The following COL18A1 variants were observed in gnomAD, a reference collection of about 807,000 sequenced individuals.
COL18A1 encodes the protein collagen type XVIII alpha 1 chain, also known as collagen alpha-1(XVIII) chain.
A neutral mutation model predicts 168.0 loss-of-function variants in COL18A1; 133 were observed. That is an observed-to-expected ratio of 0.79 (90% CI 0.69 to 0.91). COL18A1 has a LOEUF of 0.91. Among genes scored for constraint, COL18A1 ranks in the 40% least tolerant of loss-of-function variants. The pLI is 0.00. For missense variants in COL18A1, 2,126 were observed against 1,925.4 expected, an observed-to-expected ratio of 1.10 and a Z score of -1.95; for synonymous variants, 949 against 809.0, an observed-to-expected ratio of 1.17 and a Z score of -2.94.
intron 32 of COL18A1, 38 bp downstream of exon 32, chr21:45,497,699 G>A: frequency 6.4e-7 from 1 of 1,552,068 alleles, no homozygotes. Context: ...GAGAGCCATG[G>A]CGTGGCCAGC....
intron 2 of COL18A1, among the ~76,000 whole-genome samples, chr21:45,465,657 GT>G (rs2035175635): frequency 6.6e-6 from 1 of 152,166 alleles, no homozygotes; most frequent in African/African-American, 2.4e-5. Flanking sequence ...GGAGGGGGCT[GT>G]GCTGGAGGGC....
chr21:45,421,521 C>T (rs1371748255), intron 2 of COL18A1: 1 of 534,654 alleles, frequency 1.9e-6, no homozygotes, highest in Non-Finnish European at 3.8e-6. Flanking sequence ...GGGTCAGCAG[C>T]CCATCCTGGC....
intron 32 of COL18A1, among the ~76,000 whole-genome samples, chr21:45,503,397 T>C (rs1363685929): frequency 1.3e-5 from 2 of 152,122 alleles, no homozygotes; most frequent in African/African-American, 4.8e-5. Flanking sequence ...TCATGTCCTT[T>C]GCCCACTTTT....
chr21:45,489,854 C>A (rs2036240412), intron 19 of COL18A1, among the ~76,000 whole-genome samples: 1 of 130,614 alleles, frequency 7.7e-6, no homozygotes, highest in Non-Finnish European at 1.7e-5. Flanking sequence ...ACACTGCCTC[C>A]CCCACTTGCC....
chr21:45,455,285 C>T (rs1028283266), intron 2 of COL18A1, among the ~76,000 whole-genome samples: 3 of 152,260 alleles, frequency 2.0e-5, no homozygotes, highest in African/African-American at 4.8e-5. Context: ...CCTCACGGAG[C>T]CTGGGGCTGC....
At chr21:45,491,025 C>T (rs2145983795) in intron 21 of COL18A1, among the ~76,000 whole-genome samples, 154 bp downstream of exon 21, 1 of 152,264 alleles carries the variant, frequency 6.6e-6, no homozygotes, top group East Asian at 1.9e-4. Flanking sequence ...GGCTTTCAGG[C>T]TGGGGGCAGC....
Position 45,443,672 on chromosome 21 carries a change from C to T in COL18A1, c.107-24570C>T, listed in dbSNP as rs114451752. 0.042 allele frequency among the ~76,000 whole-genome samples: 6,463 copies of T among 152,272 alleles called. 177 individuals are homozygous for T. The highest frequency in any genetic ancestry group is 0.074 in the African/African-American group (3,061 of 41,540). On this transcript the variant is annotated intron_variant, in intron 2 of 41. Coordinates refer to ENST00000651438, the MANE Select transcript of COL18A1 (RefSeq NM_001379500.1). The surrounding 1 kb of genome is among the most constrained non-coding windows in gnomAD (Gnocchi z 5.2). Reference sequence around the variant, plus strand: ...GGTCCTGTACCTGTCTGTCACATCCCGGGCTGCAGCCGGGTCCCCAGGGAG... The same window carrying T: ...GGTCCTGTACCTGTCTGTCACATCCTGGGCTGCAGCCGGGTCCCCAGGGAG...
intron 2 of COL18A1, among the ~76,000 whole-genome samples, chr21:45,428,231 G>A (rs542832073): frequency 1.3e-5 from 2 of 152,294 alleles, no homozygotes; most frequent in South Asian, 4.1e-4. Flanking sequence ...GTGGCCTCGG[G>A]CCTCAAAGAC....
At chr21:45,466,254 T>G (rs1451802734) in intron 2 of COL18A1, among the ~76,000 whole-genome samples, 2 of 152,178 alleles carry the variant, frequency 1.3e-5, no homozygotes, top group Non-Finnish European at 2.9e-5. Context: ...CCCGCTGCTC[T>G]CCTGCGGGGA....
At chr21:45,493,694 C>A in intron 26 of COL18A1, 119 bp downstream of exon 26, 1 of 781,546 alleles carries the variant, frequency 1.3e-6, no homozygotes, top group South Asian at 1.6e-5. Flanking sequence ...CCAAGCAGGG[C>A]TCTACCATCC....
intron 6 of COL18A1, among the ~76,000 whole-genome samples, chr21:45,476,742 A>G (rs117967973): frequency 0.19 from 28,321 of 147,630 alleles, 2,650 homozygotes; most frequent in Middle Eastern, 0.23. Flanking sequence ...GCATGTGGGC[A>G]TGTGTGTGTG....
intron 12 of COL18A1, 32 bp from the exon 13 acceptor site, chr21:45,480,668 G>A: frequency 6.2e-7 from 1 of 1,611,012 alleles, no homozygotes; most frequent in Non-Finnish European, 8.5e-7. Context: ...GTGCCACATG[G>A]GCTGTGACTA....
At chr21:45,487,028 G>C in intron 16 of COL18A1, 36 bp downstream of exon 16, 1 of 1,479,874 alleles carries the variant, frequency 6.8e-7, no homozygotes. Flanking sequence ...CTGGAGAGCC[G>C]GGGGCTGCCG....
chr21:45,468,907 G>T, intron 3 of COL18A1, 121 bp downstream of exon 3: 1 of 1,087,726 alleles, frequency 9.2e-7, no homozygotes, highest in Non-Finnish European at 1.3e-6. Context: ...CCCAGCTGTG[G>T]TCAGCCCGGG....
chr21:45,480,584 C>T (rs1196344984), intron 12 of COL18A1, 64 bp downstream of exon 12: 4 of 1,613,706 alleles, frequency 2.5e-6, no homozygotes, highest in Non-Finnish European at 8.5e-7. Flanking sequence ...GGCCATGGAC[C>T]CCCAAGATTC....
Position 45,489,538 on chromosome 21 carries a change from G to A in COL18A1, c.1959+17G>A. 6.4e-7 allele frequency: 1 copy of A among 1,571,020 alleles called. No homozygotes were observed. Among genetic ancestry groups the A allele is most frequent in the Non-Finnish European group, 8.7e-7 (1 of 1,152,830 alleles). On this transcript the variant is annotated intron_variant, in intron 19 of 41. Coordinates refer to ENST00000651438, the MANE Select transcript of COL18A1 (RefSeq NM_001379500.1). ...GGGGCGAAGGTAAGCGCTGTGCCCG[G>A]GTTCAGGGACGTGGCCAGGCAGAGG...
intron 2 of COL18A1, among the ~76,000 whole-genome samples, chr21:45,439,601 G>A (rs2034312118): frequency 1.4e-5 from 2 of 146,404 alleles, no homozygotes; most frequent in Non-Finnish European, 3.1e-5. Flanking sequence ...ACGGAAGCGC[G>A]TCGCGCGGGC....
Position 45,445,211 on chromosome 21 carries a change from G to A in COL18A1, c.107-23031G>A, listed in dbSNP as rs999406575. Among the ~76,000 whole-genome samples, 3 of 152,202 alleles carry A rather than the reference G, an allele frequency of 2.0e-5. No homozygotes were observed. The East Asian group carries it at 5.8e-4, about 29-fold the overall frequency. ...TTCCATACGAATTAAACCATGGAAC[G>A]TGTGGTCGTTTCTGTCTGGCTTCTT... On this transcript the variant is annotated intron_variant, in intron 2 of 41. Transcript: ENST00000651438.
In COL18A1 at chr21:45,463,299, G is replaced by A. The variant is rs2145875841; in HGVS notation, c.107-4943G>A. On this transcript the variant is annotated intron_variant, in intron 2 of 41. Transcript: ENST00000651438. This position sits in a 1 kb window ranked among gnomAD's most constrained non-coding sequence, Gnocchi z 4.0. ...CTTTTTGCCGTCCTGTTTCCCACAA[G>A]CTGTGTGGCTGCTGCTCCAGGAACT... Among the ~76,000 whole-genome samples the A allele has an allele frequency of 6.6e-6, 1 of 152,346 alleles. No individual in the cohort carries two copies. The highest frequency in any genetic ancestry group is 2.4e-5 in the African/African-American group (1 of 41,568).
Sources: allele counts gnomAD v4.1 joint callset (sites outside exome capture counted in the v4.1 genomes callset), GRCh38; gene constraint gnomAD v4.1.1; non-coding constraint Gnocchi (gnomAD v3.1); transcripts MANE v1.5; gene names NCBI Gene and HGNC (gene_info 2026-07-23, HGNC 2026-07-21).